WDR27: variants seen among roughly 807,000 people sequenced by gnomAD.
The protein encoded by WDR27 is WD repeat domain 27, also known as WD repeat-containing protein 27.
In WDR27, 100 loss-of-function variants were observed where a neutral mutation model predicts 114.4. The ratio of observed to expected loss-of-function variants is 0.87; its 90% CI spans 0.74 to 1.03. The LOEUF (loss-of-function observed/expected upper bound fraction) is 1.03. Among genes scored for constraint, WDR27 ranks in the 50% least tolerant of loss-of-function variants. WDR27 has a pLI of 0.00. For synonymous variants in WDR27, 449 were observed against 423.1 expected, an observed-to-expected ratio of 1.06 and a Z score of -0.75; for missense variants, 1,129 against 1,092.9, an observed-to-expected ratio of 1.03 and a Z score of -0.47.
chr6:169,479,418 G>T (rs1787641002), intron 25 of WDR27, among the ~76,000 whole-genome samples: 1 of 151,928 alleles, frequency 6.6e-6, no homozygotes, highest in South Asian at 2.1e-4. Context: ...AATCACAAAA[G>T]ACAAAGAAGG....
chr6:169,491,672 C>T (rs1789782713), intron 25 of WDR27, among the ~76,000 whole-genome samples: 2 of 152,078 alleles, frequency 1.3e-5, no homozygotes, highest in Non-Finnish European at 2.9e-5. Flanking sequence ...CACGAAAGAC[C>T]AGAACCCAGG....
intron 25 of WDR27, among the ~76,000 whole-genome samples, chr6:169,486,720 G>A (rs1330136572): frequency 6.6e-6 from 1 of 152,130 alleles, no homozygotes; most frequent in Non-Finnish European, 1.5e-5. Context: ...TCGAACTCCT[G>A]ACCTCATGAT....
chr6:169,553,150 C>G (rs1442339745), intron 25 of WDR27, among the ~76,000 whole-genome samples: 2 of 151,130 alleles, frequency 1.3e-5, no homozygotes, highest in Admixed American at 1.3e-4. Flanking sequence ...GACCAGAGCA[C>G]TGTGGGACAG....
the WDR27 span, among the ~76,000 whole-genome samples, chr6:169,438,227 T>C: frequency 1.0e-3 from 140 of 138,154 alleles, no homozygotes; most frequent in Admixed American, 4.5e-3. Context: ...GTTTTTACTT[T>C]TACTTTTTCT....
chr6:169,665,501 C>T lies in WDR27; in HGVS notation c.768G>A (p.Gly256=). Residue 256 remains glycine (G), a synonymous_variant, in exon 7 of 26, where the codon GGG becomes GGA. Transcript: ENST00000448612. ...GCTGTCTCACCTGGCCGTCAGCACA[C>T]CCGGTGACCAGCTGCCTGCTTTCTG... The part of the protein sequence containing the change: ...IDAESRQLVT[G]CADGQLWIFS... The T allele has an allele frequency of 6.2e-7, 1 of 1,613,748 alleles. No homozygotes were observed. Among genetic ancestry groups the T allele is most frequent in the Non-Finnish European group, 8.5e-7 (1 of 1,179,724 alleles).
chr6:169,540,694 T>C (rs1796733465), intron 25 of WDR27, among the ~76,000 whole-genome samples: 1 of 152,164 alleles, frequency 6.6e-6, no homozygotes, highest in Non-Finnish European at 1.5e-5. Flanking sequence ...CCTCCCAAAG[T>C]GCTGGTATTA....
chr6:169,660,116 T>C (rs1225771392), intron 10 of WDR27, among the ~76,000 whole-genome samples: 3 of 139,152 alleles, frequency 2.2e-5, no homozygotes, highest in Non-Finnish European at 4.6e-5. Context: ...AGAAGTCGCC[T>C]GGGCTCCTGG....
At chr6:169,461,459 G>T (rs555658904) in intron 25 of WDR27, among the ~76,000 whole-genome samples, 1 of 152,152 alleles carries the variant, frequency 6.6e-6, no homozygotes, top group South Asian at 2.1e-4. Flanking sequence ...GATAATATAA[G>T]TTAAACCTGA....
At chr6:169,443,918 G>A in the WDR27 span, among the ~76,000 whole-genome samples, 1 of 152,188 alleles carries the variant, frequency 6.6e-6, no homozygotes, top group Non-Finnish European at 1.5e-5. Flanking sequence ...CTCCAGCAAG[G>A]CACGTAGGGA....
chr6:169,523,099 A>G (rs943171508), intron 25 of WDR27, among the ~76,000 whole-genome samples: 3 of 152,054 alleles, frequency 2.0e-5, no homozygotes, highest in African/African-American at 7.2e-5. Flanking sequence ...CAGAAACACA[A>G]AAGAAAACAT....
Position 169,539,910 on chromosome 6 carries a change from G to A in WDR27, c.2645+32509C>T, listed in dbSNP as rs1230614648. ...TTAACCTACATAGACTCCTCTCTCT[G>A]AAAAATGAGTCCATCAGCAATGCTA... On this transcript the variant is annotated intron_variant, in intron 25 of 25. Coordinates refer to ENST00000448612, the MANE Select transcript of WDR27 (RefSeq NM_182552.5). 2.0e-5 allele frequency among the ~76,000 whole-genome samples: 3 copies of A among 152,084 alleles called. No homozygotes were observed. The East Asian group carries it at 5.8e-4, about 29-fold the overall frequency.
At chr6:169,472,826 C>T (rs556661543) in intron 25 of WDR27, among the ~76,000 whole-genome samples, 1 of 151,958 alleles carries the variant, frequency 6.6e-6, no homozygotes, top group Admixed American at 6.6e-5. Context: ...TTTAAAAGTC[C>T]CAAAATAAAT....
intron 25 of WDR27, among the ~76,000 whole-genome samples, chr6:169,475,511 C>T (rs920783806): frequency 6.6e-6 from 1 of 152,242 alleles, no homozygotes; most frequent in African/African-American, 2.4e-5. Context: ...GTATGAGCCA[C>T]TGCATCTGGC....
chr6:169,602,755 T>TA (rs1376073732), intron 22 of WDR27, among the ~76,000 whole-genome samples: 3 of 152,110 alleles, frequency 2.0e-5, no homozygotes, highest in African/African-American at 2.4e-5. Flanking sequence ...TTGTTTATTG[T>TA]AAAAAAATGC....
At chr6:169,654,647 C>CT (rs1457180192) in intron 13 of WDR27, among the ~76,000 whole-genome samples, 4 of 152,184 alleles carry the variant, frequency 2.6e-5, no homozygotes, top group African/African-American at 7.2e-5. Flanking sequence ...AAAGCAGCAG[C>CT]TTTTGCTGCA....
At chr6:169,664,015 C>T in intron 8 of WDR27, 151 bp downstream of exon 8, 2 of 721,580 alleles carry the variant, frequency 2.8e-6, no homozygotes, top group Non-Finnish European at 4.3e-6. Flanking sequence ...ACATGACCTG[C>T]AGGGCCTCAG....
intron 25 of WDR27, among the ~76,000 whole-genome samples, chr6:169,487,501 G>C (rs372752860): frequency 6.6e-6 from 1 of 152,142 alleles, no homozygotes; most frequent in South Asian, 2.1e-4. Context: ...CTGCTCCCTG[G>C]ATTACAGAGT....
At chr6:169,586,651 C>T (rs571168947) in intron 23 of WDR27, among the ~76,000 whole-genome samples, 7 of 151,994 alleles carry the variant, frequency 4.6e-5, no homozygotes, top group African/African-American at 1.7e-4. Context: ...GAGATCGAGG[C>T]CATCCTTGCC....
chr6:169,621,411 C>T (rs1207250639), intron 21 of WDR27, among the ~76,000 whole-genome samples: 1 of 151,810 alleles, frequency 6.6e-6, no homozygotes, highest in Non-Finnish European at 1.5e-5. Flanking sequence ...CATGCCTATA[C>T]ATACACACAC....
Sources: gnomAD v4.1 joint callset for allele counts (sites outside exome capture counted in the v4.1 genomes callset) on GRCh38, gnomAD v4.1.1 for gene constraint, MANE v1.5 for transcripts, NCBI Gene and HGNC (gene_info 2026-07-23, HGNC 2026-07-21) for gene names.